The following ACACA variants were observed in gnomAD, a reference collection of about 807,000 sequenced individuals.
The protein encoded by ACACA is acetyl-CoA carboxylase 1.
A neutral mutation model predicts 296.1 loss-of-function variants in ACACA; 103 were observed. The ratio of observed to expected loss-of-function variants is 0.35; its 90% confidence interval spans 0.30 to 0.41. The LOEUF (loss-of-function observed/expected upper bound fraction) is 0.41. Ranked by LOEUF, ACACA falls within the 10% of genes least tolerant of loss-of-function variation. The pLI, the probability that ACACA is intolerant of heterozygous loss-of-function variation, is 1.00. For missense variants in ACACA, 1,554 were observed against 2,989.7 expected, an observed-to-expected ratio of 0.52 and a Z score of 11.20; for synonymous variants, 953 against 1,038.6, an observed-to-expected ratio of 0.92 and a Z score of 1.58.
At chr17:37,140,224 C>T (rs1012048347) in intron 45 of ACACA, among the ~76,000 whole-genome samples, 1 of 152,052 alleles carries the variant, frequency 6.6e-6, no homozygotes, top group Non-Finnish European at 1.5e-5. Context: ...ATTCTACAGC[C>T]ACTTGTGATT....
chr17:37,216,175 T>C (rs1196332925), intron 29 of ACACA, among the ~76,000 whole-genome samples: 1 of 142,666 alleles, frequency 7.0e-6, no homozygotes, highest in South Asian at 2.2e-4. Flanking sequence ...ACATGTTACA[T>C]ATACATACAC....
intron 3 of ACACA, chr17:37,299,515 A>C: frequency 6.9e-7 from 1 of 1,441,372 alleles, no homozygotes; most frequent in African/African-American, 1.4e-5. Context: ...TTTTTGTCTA[A>C]TTGTTCCCAA....
At chr17:37,288,560 A>G (rs2082897656) in intron 3 of ACACA, among the ~76,000 whole-genome samples, 1 of 152,228 alleles carries the variant, frequency 6.6e-6, no homozygotes, top group African/African-American at 2.4e-5. Flanking sequence ...TAATGGTTAC[A>G]TGGGTAGATA....
At chr17:37,208,192 AGTT>A (rs1375542496) in intron 30 of ACACA, among the ~76,000 whole-genome samples, 2 of 152,178 alleles carry the variant, frequency 1.3e-5, no homozygotes, top group Non-Finnish European at 2.9e-5. Context: ...AAGCCAAGTG[AGTT>A]GTAACTATGC....
At chr17:37,349,499 C>CAT (rs994018521) in intron 1 of ACACA, among the ~76,000 whole-genome samples, 7 of 146,632 alleles carry the variant, frequency 4.8e-5, no homozygotes, top group African/African-American at 1.0e-4. Context: ...ATATATCTTA[C>CAT]ATATATATAT....
chr17:37,330,327 A>T lies in ACACA; in HGVS notation c.184T>A (p.Ser62Thr), dbSNP rs2047817962. The T allele has an allele frequency of 6.2e-7, 1 of 1,614,232 alleles. No individual in the cohort carries two copies. Among genetic ancestry groups the T allele is most frequent in the Non-Finnish European group, 8.5e-7 (1 of 1,180,042 alleles). Residue 62 changes from serine (S) to threonine (T), a missense_variant, in exon 3 of 56, where the codon TCT becomes ACT. Coordinates refer to ENST00000616317, the MANE Select transcript of ACACA (RefSeq NM_198834.3). Reference protein sequence around the residue: ...QHSRFIIGSVSEDNSEDEISN... With the variant: ...QHSRFIIGSVTEDNSEDEISN... ...ATCTCATCCTCTGAGTTATCTTCAG[A>T]CACAGAACCTATTATGAATCGAGAG...
chr17:37,247,076 CTT>C, intron 18 of ACACA, 100 bp from the exon 19 acceptor site: 1 of 1,278,642 alleles, frequency 7.8e-7, no homozygotes, highest in East Asian at 2.3e-5. Context: ...ATCCTGAAAA[CTT>C]TATTATACAC....
chr17:37,393,028 G>C (rs1315839729), intron 1 of ACACA, among the ~76,000 whole-genome samples: 2 of 151,682 alleles, frequency 1.3e-5, no homozygotes, highest in Admixed American at 1.3e-4. Context: ...TATAATCTCA[G>C]CTACTGGGGA....
At chr17:37,351,241 C>T (rs1473529652) in intron 1 of ACACA, among the ~76,000 whole-genome samples, 1 of 152,164 alleles carries the variant, frequency 6.6e-6, no homozygotes, top group Non-Finnish European at 1.5e-5. Flanking sequence ...ACCGGAGGAT[C>T]ACCTGATGTC....
chr17:37,158,637 C>T (rs1358363192), intron 42 of ACACA, among the ~76,000 whole-genome samples: 1 of 151,724 alleles, frequency 6.6e-6, no homozygotes, highest in Non-Finnish European at 1.5e-5. Flanking sequence ...CTCAAAAAAA[C>T]AAAACAAAAC....
intron 1 of ACACA, among the ~76,000 whole-genome samples, chr17:37,342,432 A>AAAAAAAAAAAAAAAAAC (rs2048418981): frequency 9.2e-6 from 1 of 108,710 alleles, no homozygotes; most frequent in African/African-American, 3.6e-5. Flanking sequence ...AAAAAAAAAA[A>AAAAAAAAAAAAAAAAAC]AAAAATATAT....
rs908895924 is a variant in ACACA at position 37,113,652 on chromosome 17, C to A, written c.6275-387G>T. Among the ~76,000 whole-genome samples, 1 of 152,206 alleles carries A rather than the reference C, an allele frequency of 6.6e-6. No homozygotes were observed. Among genetic ancestry groups the A allele is most frequent in the East Asian group, 1.9e-4 (1 of 5,204 alleles). On this transcript the variant is annotated intron_variant, in intron 50 of 55. Coordinates refer to ENST00000616317, the MANE Select transcript of ACACA (RefSeq NM_198834.3). This position sits in a 1 kb window ranked among gnomAD's most constrained non-coding sequence, Gnocchi z 4.0. ...ACAGTAAGTTTACTAAAGGAAGGAA[C>A]TATTCTACCTCTTTTCAGTTATTCT...
At chr17:37,221,400 G>C (rs770730318) in intron 29 of ACACA, 17 of 376,086 alleles carry the variant, frequency 4.5e-5, no homozygotes, top group African/African-American at 3.5e-4. Context: ...TTGTTAAAAA[G>C]AGTGATTTTT....
At position 37,264,043 on chromosome 17, in the gene ACACA, C is replaced by T. The variant is rs17848793; in HGVS notation, c.1120-149G>A. 258 of 659,266 alleles carry T rather than the reference C, an allele frequency of 3.9e-4. 3 individuals carry two copies. In the East Asian group the frequency reaches 7.0e-3, roughly 18 times the overall value. 40.8% of individuals were successfully genotyped at this position (659,266 alleles called of 1,614,324 possible). A position where few individuals can be genotyped will look rare whatever the true frequency, so the allele number is the denominator to read the frequency against. On this transcript the variant is annotated intron_variant, in intron 10 of 55. Transcript: ENST00000616317. Reference sequence around the variant, plus strand: ...CAGAAATACAAAACTGAATAAAATACAGTCCATGCTGTCATCTTTAATATC... The same window carrying T: ...CAGAAATACAAAACTGAATAAAATATAGTCCATGCTGTCATCTTTAATATC...
At chr17:37,158,111 C>T (rs2076323846) in intron 42 of ACACA, among the ~76,000 whole-genome samples, 1 of 152,120 alleles carries the variant, frequency 6.6e-6, no homozygotes, top group Non-Finnish European at 1.5e-5. Flanking sequence ...TCAAGAATAA[C>T]TCCAAGGTCT....
intron 19 of ACACA, 133 bp downstream of exon 19, chr17:37,246,693 A>G: frequency 8.0e-7 from 1 of 1,243,164 alleles, no homozygotes; most frequent in Non-Finnish European, 1.2e-6. Context: ...TCAGCCTCCC[A>G]AAGTGGTAGG....
chr17:37,252,870 G>T lies in ACACA; in HGVS notation c.1977+16C>A, dbSNP rs747093484. On this transcript the variant is annotated intron_variant, in intron 15 of 55. Coordinates refer to ENST00000616317, the MANE Select transcript of ACACA (RefSeq NM_198834.3). ...AAAAACCCAATCCCAGCATCTGTTTGTGGAGAAATACACACCTGTACTTTT... is the reference window on the plus strand; with the variant it reads ...AAAAACCCAATCCCAGCATCTGTTTTTGGAGAAATACACACCTGTACTTTT... 6.2e-7 allele frequency: 1 copy of T among 1,614,034 alleles called. No individual in the cohort carries two copies. The highest frequency in any genetic ancestry group is 1.3e-5 in the African/African-American group (1 of 75,040).
At chr17:37,331,312 T>A (rs1197525160) in intron 2 of ACACA, among the ~76,000 whole-genome samples, 1 of 151,496 alleles carries the variant, frequency 6.6e-6, no homozygotes, top group Non-Finnish European at 1.5e-5. Context: ...AGAGATGGGG[T>A]TTCACCGTGT....
At chr17:37,298,003 G>A (rs2083439009) in intron 3 of ACACA, among the ~76,000 whole-genome samples, 4 of 152,056 alleles carry the variant, frequency 2.6e-5, no homozygotes, top group Admixed American at 2.6e-4. Context: ...TGTTGACCAG[G>A]CTGCAGTGCA....
Sources: gnomAD v4.1 joint callset for allele counts (sites outside exome capture counted in the v4.1 genomes callset) on GRCh38, gnomAD v4.1.1 for gene constraint, Gnocchi (gnomAD v3.1) non-coding constraint, MANE v1.5 for transcripts, NCBI Gene and HGNC (gene_info 2026-07-23, HGNC 2026-07-21) for gene names.